The following USP20 variants were observed in gnomAD, a reference collection of about 807,000 sequenced individuals.
USP20 encodes ubiquitin carboxyl-terminal hydrolase 20.
In USP20, 80 loss-of-function variants were observed where a neutral mutation model predicts 124.2. The ratio of observed to expected loss-of-function variants is 0.64; its 90% CI spans 0.54 to 0.78. The LOEUF is 0.78. USP20 is among the 30% of genes least tolerant of loss of function. USP20 has a pLI of 0.00. For synonymous variants in USP20, 481 were observed against 512.3 expected (o/e 0.94, Z 0.83); for missense variants, 1,043 against 1,244.4 (o/e 0.84, Z 2.44).
rs779313507 is a variant in USP20, at chr9:129,874,712, C to G, written c.1877C>G (p.Thr626Ser). 3.0e-5 allele frequency: 49 copies of G among 1,614,020 alleles called. No individual in the cohort carries two copies. In the Middle Eastern group the frequency reaches 8.2e-4, roughly 27 times the overall value. ...AAGGAGTGCACATCCCAGATCACCACCTACGACCTCCTCTCGGTCATCTGC... is the reference window on the plus strand; with the variant it reads ...AAGGAGTGCACATCCCAGATCACCAGCTACGACCTCCTCTCGGTCATCTGC... The part of the protein sequence containing the change: ...LAKECTSQIT[T>S]YDLLSVICHH... The change falls in exon 18 of 26, where the codon ACC becomes AGC. Residue 626 changes from threonine (T) to serine (S), a missense_variant. Transcript: ENST00000372429.
chr9:129,842,769 A>G (rs867991505), intron 1 of USP20, among the ~76,000 whole-genome samples: 59 of 151,528 alleles, frequency 3.9e-4, no homozygotes, highest in African/African-American at 1.3e-3. Context: ...AATTTTTTGT[A>G]TTTTTAGTAG....
At position 129,875,338 on chromosome 9, in the gene USP20, C is replaced by T. The variant is rs779023779; in HGVS notation, c.2077C>T (p.Arg693Ter). 17 of 1,611,226 alleles carry T rather than the reference C, an allele frequency of 1.1e-5. No individual in the cohort carries two copies. Among genetic ancestry groups the T allele is most frequent in the African/African-American group, 1.3e-5 (1 of 74,928 alleles). ...RKSSEEAMRE[R>*]QQVVSLAAMR... ...GAGCAGCGAGGAGGCCATGCGGGAG[C>T]GACAGCAGGTGGTGTCCCTGGCCGC... Residue 693 changes from arginine (R) to a stop codon, truncating the protein, a stop_gained, in exon 20 of 26, where the codon CGA becomes TGA. Transcript: ENST00000372429. LOFTEE classifies it high-confidence loss of function.
chr9:129,873,352 A>T, intron 15 of USP20, 130 bp from the exon 16 acceptor site: 1 of 1,154,730 alleles, frequency 8.7e-7, no homozygotes, highest in Non-Finnish European at 1.3e-6. Flanking sequence ...CCAAAGTGCT[A>T]GGATTACACG....
In USP20 at chr9:129,876,093, G is replaced by C. The variant is rs770526056; in HGVS notation, c.2301-37G>C. 3.8e-6 allele frequency: 6 copies of C among 1,568,028 alleles called. No individual in the cohort carries two copies. The African/African-American group carries it at 6.8e-5, about 18-fold the overall frequency. On this transcript the variant is annotated intron_variant, in intron 21 of 25. Transcript: ENST00000372429. ...ATCACTCTCCCCTCCCTGGTACCCC[G>C]CTCAGGCCGTGTCTCTCTCTCCCAC...
At chr9:129,856,467 CT>C in intron 4 of USP20, 107 bp downstream of exon 4, 1 of 1,308,172 alleles carries the variant, frequency 7.6e-7, no homozygotes, top group Non-Finnish European at 1.1e-6. Context: ...ACTTCCATCC[CT>C]AGTGGGCACT....
chr9:129,867,913 A>T, intron 10 of USP20, 92 bp from the exon 11 acceptor site: 1 of 1,468,750 alleles, frequency 6.8e-7, no homozygotes, highest in Non-Finnish European at 9.0e-7. Flanking sequence ...GTCCTCCTAG[A>T]TGGAGGCTGG....
chr9:129,873,948 G>A (rs1051537869), intron 17 of USP20, among the ~76,000 whole-genome samples: 5 of 152,170 alleles, frequency 3.3e-5, no homozygotes, highest in African/African-American at 4.8e-5. Context: ...GCCCTCTCTC[G>A]GTAGCCTCAG....
rs1226889423 is a variant in USP20, at chr9:129,879,707, C to G, written c.2584+63C>G. The G allele has an allele frequency of 6.3e-7, 1 of 1,578,636 alleles. No homozygotes were observed. Among genetic ancestry groups the G allele is most frequent in the Admixed American group, 1.7e-5 (1 of 59,546 alleles). On this transcript the variant is annotated intron_variant, in intron 24 of 25. Coordinates refer to ENST00000372429, the MANE Select transcript of USP20 (RefSeq NM_001110303.4). This position sits in a 1 kb window ranked among gnomAD's most constrained non-coding sequence, Gnocchi z 4.2. ...CCTTCCTGGCTGCCAGGCTGCTGCC[C>G]AGTCCCGTCCTTCCAGGAGCCCCCT...
intron 1 of USP20, among the ~76,000 whole-genome samples, chr9:129,845,114 C>T (rs1295209120): frequency 6.6e-6 from 1 of 152,062 alleles, no homozygotes; most frequent in Non-Finnish European, 1.5e-5. Context: ...ACTTCTTGGC[C>T]CCTGTGAGTC....
chr9:129,852,581 C>T lies in USP20; in HGVS notation c.26C>T (p.Pro9Leu). The T allele has an allele frequency of 1.3e-6, 2 of 1,599,456 alleles. No homozygotes were observed. Among genetic ancestry groups the T allele is most frequent in the Non-Finnish European group, 1.7e-6 (2 of 1,172,402 alleles). The change falls in exon 3 of 26, where the codon CCT becomes CTT. Residue 9 changes from proline to leucine, a missense_variant. By Grantham distance (98) the Pro-to-Leu change is moderately conservative. Coordinates refer to ENST00000372429, the MANE Select transcript of USP20 (RefSeq NM_001110303.4). MGDSRDLCPHLDSIGEVTK... is the reference protein window; with the variant it reads MGDSRDLCLHLDSIGEVTK... ...ATGGGGGACTCCAGGGACCTTTGCC[C>T]TCACCTTGACTCCATAGGAGAGGTG...
intron 1 of USP20, among the ~76,000 whole-genome samples, chr9:129,845,267 G>A (rs190263882): frequency 1.1e-4 from 17 of 152,184 alleles, no homozygotes; most frequent in Admixed American, 3.9e-4. Context: ...AGAGCTCCAG[G>A]GAACAGAGGC....
chr9:129,880,309 C>T lies in USP20; in HGVS notation c.*16+20C>T, dbSNP rs561090290. The T allele has an allele frequency of 2.2e-5, 34 of 1,543,522 alleles. No homozygotes were observed. In the African/African-American group the frequency reaches 3.9e-4, roughly 18 times the overall value. ...TAGTCTGTAAGTCGCCCCGGCTGGT[C>T]CCTCCATGGCACTCTGGGTCCTCTC... is the stretch of plus-strand genomic sequence containing the variant. On this transcript the variant is annotated intron_variant, in intron 25 of 25. Transcript: ENST00000372429.
rs768323864 is a variant in USP20 at position 129,868,350 on chromosome 9, G to A, written c.1036G>A (p.Glu346Lys). The A allele has an allele frequency of 1.6e-5, 26 of 1,611,180 alleles. No homozygotes were observed. Among genetic ancestry groups the A allele is most frequent in the South Asian group, 9.9e-5 (9 of 90,938 alleles). Residue 346 changes from glutamate to lysine, a missense_variant, in exon 11 of 26, where the codon GAG becomes AAG. By Grantham distance (56) the Glu-to-Lys change is moderately conservative (BLOSUM62 1). Transcript: ENST00000372429. Reference sequence around the variant, plus strand: ...GCGTACAAACTCGGAGCAAGTGGACGAGGACGCTGATGTGGACACTGCCAT... The same window carrying A: ...GCGTACAAACTCGGAGCAAGTGGACAAGGACGCTGATGTGGACACTGCCAT... The part of the protein sequence containing the change: ...QQRTNSEQVD[E>K]DADVDTAMAA...
At chr9:129,872,855 T>A (rs1421515208) in intron 15 of USP20, among the ~76,000 whole-genome samples, 2 of 152,018 alleles carry the variant, frequency 1.3e-5, no homozygotes, top group Non-Finnish European at 2.9e-5. Context: ...TCAAAAAAAT[T>A]GTTTCAAATA....
intron 1 of USP20, among the ~76,000 whole-genome samples, chr9:129,836,810 C>T (rs1302879175): frequency 6.6e-6 from 1 of 152,192 alleles, no homozygotes; most frequent in Non-Finnish European, 1.5e-5. Context: ...GATGCACGTG[C>T]ACTCACTGGA....
chr9:129,874,483 A>C (rs1240858112), intron 17 of USP20, 93 bp from the exon 18 acceptor site: 1 of 1,515,974 alleles, frequency 6.6e-7, no homozygotes, highest in East Asian at 2.3e-5. Flanking sequence ...GTCAGCTTGC[A>C]TGATCCCATC....
chr9:129,838,723 G>T (rs896255237), intron 1 of USP20, among the ~76,000 whole-genome samples: 1 of 152,190 alleles, frequency 6.6e-6, no homozygotes, highest in East Asian at 1.9e-4. Context: ...CATCTCTAAT[G>T]TGAGTTTTTT....
At chr9:129,865,041 T>A (rs1259559376) in intron 9 of USP20, among the ~76,000 whole-genome samples, 1 of 152,234 alleles carries the variant, frequency 6.6e-6, no homozygotes, top group Non-Finnish European at 1.5e-5. Context: ...AAATCATGTT[T>A]AGGCGAGTTT....
chr9:129,855,155 G>C (rs184764149), intron 3 of USP20, among the ~76,000 whole-genome samples: 1 of 152,326 alleles, frequency 6.6e-6, no homozygotes, highest in Non-Finnish European at 1.5e-5. Flanking sequence ...CAGTGGGCTG[G>C]GCACGGTGGC....
Sources: gnomAD v4.1 joint callset for allele counts (sites outside exome capture counted in the v4.1 genomes callset) on GRCh38, gnomAD v4.1.1 for gene constraint, Gnocchi (gnomAD v3.1) non-coding constraint, MANE v1.5 for transcripts, NCBI Gene and HGNC (gene_info 2026-07-23, HGNC 2026-07-21) for gene names.